ADORA1: variants seen among roughly 807,000 people sequenced by gnomAD.
ADORA1 encodes adenosine A1 receptor, also known as adenosine receptor A1.
ADORA1 carries 6 observed loss-of-function variants against 19.9 expected under a neutral mutation model. The observed-to-expected ratio is 0.30, with a 90% CI of 0.17 to 0.59. The LOEUF (loss-of-function observed/expected upper bound fraction) is 0.59. Ranked by LOEUF, ADORA1 falls within the 20% of genes least tolerant of loss-of-function variation. The pLI, the probability that ADORA1 is intolerant of heterozygous loss-of-function variation, is 0.87. For missense variants in ADORA1, 302 were observed against 439.2 expected (o/e 0.69, Z 2.79); for synonymous variants, 194 against 188.4 (o/e 1.03, Z -0.24).
At chr1:203,138,013 A>G (rs970160051) in intron 3 of ADORA1, among the ~76,000 whole-genome samples, 2 of 152,186 alleles carry the variant, frequency 1.3e-5, no homozygotes, top group Admixed American at 1.3e-4. Context: ...AATTGTATGA[A>G]TGTACCATGA....
intron 3 of ADORA1, among the ~76,000 whole-genome samples, chr1:203,147,135 G>A (rs1400765161): frequency 2.6e-5 from 4 of 152,234 alleles, no homozygotes; most frequent in Non-Finnish European, 5.9e-5. Context: ...TTTCCCACCT[G>A]TAAAGTGGCA....
chr1:203,140,879 T>C (rs562748479), intron 3 of ADORA1, among the ~76,000 whole-genome samples: 3 of 152,300 alleles, frequency 2.0e-5, no homozygotes, highest in African/African-American at 7.2e-5. Flanking sequence ...CCTCTGCCTC[T>C]CCCCAGGAAG....
intron 3 of ADORA1, among the ~76,000 whole-genome samples, chr1:203,142,872 G>A (rs956960676): frequency 5.3e-5 from 8 of 152,024 alleles, no homozygotes; most frequent in Non-Finnish European, 8.8e-5. Flanking sequence ...GGAGAAAACC[G>A]TTCAGTGTGT....
intron 3 of ADORA1, among the ~76,000 whole-genome samples, chr1:203,134,592 C>T (rs756301538): frequency 6.6e-6 from 1 of 152,094 alleles, no homozygotes; most frequent in East Asian, 1.9e-4. Flanking sequence ...GCGTGGAAGC[C>T]GGAGAATGGC....
chr1:203,136,201 A>G (rs1433476490), intron 3 of ADORA1, among the ~76,000 whole-genome samples: 2 of 152,206 alleles, frequency 1.3e-5, no homozygotes, highest in African/African-American at 2.4e-5. Flanking sequence ...CCGCAGTCCA[A>G]AGAAAAGCCT....
At position 203,165,776 on chromosome 1, in the gene ADORA1, T is replaced by C. The variant is rs761031787; in HGVS notation, c.857T>C (p.Ile286Thr). The C allele has an allele frequency of 6.2e-7, 1 of 1,613,972 alleles. No individual in the cohort carries two copies. The highest frequency in any genetic ancestry group is 2.2e-5 in the East Asian group (1 of 44,880). Residue 286 changes from isoleucine (I) to threonine (T), a missense_variant, in exon 4 of 4, where the codon ATT (isoleucine) becomes ACT (threonine). Physicochemically the swap from Ile to Thr is moderately conservative, Grantham distance 89. Coordinates refer to ENST00000337894, the MANE Select transcript of ADORA1 (RefSeq NM_000674.3). The surrounding 1 kb of genome is among the most constrained non-coding windows in gnomAD (Gnocchi z 5.9). ...LTHGNSAMNP[I>T]VYAFRIQKFR... Reference sequence around the variant, plus strand: ...CACGGCAACTCGGCCATGAACCCCATTGTCTATGCCTTCCGCATCCAGAAG... The same window carrying C: ...CACGGCAACTCGGCCATGAACCCCACTGTCTATGCCTTCCGCATCCAGAAG...
At chr1:203,162,004 G>A (rs77283058) in intron 3 of ADORA1, among the ~76,000 whole-genome samples, 1,958 of 152,334 alleles carry the variant, frequency 0.013, 41 homozygotes, top group African/African-American at 0.045. Context: ...CCTGAGAGCA[G>A]CATCTCCCTG....
Position 203,165,873 on chromosome 1 carries a change from T to C in ADORA1, c.954T>C (p.Asp318=), listed in dbSNP as rs200325525. Reference sequence around the variant, plus strand: ...AGCCTGCACCTCCCATTGACGAGGATCTCCCAGAAGAGAGGCCTGATGACT... The same window carrying C: ...AGCCTGCACCTCCCATTGACGAGGACCTCCCAGAAGAGAGGCCTGATGACT... ...RCQPAPPIDE[D]LPEERPDD The change falls in exon 4 of 4, where the codon GAT becomes GAC. Residue 318 remains aspartate, a synonymous_variant. Coordinates refer to ENST00000337894, the MANE Select transcript of ADORA1 (RefSeq NM_000674.3). This position sits in a 1 kb window ranked among gnomAD's most constrained non-coding sequence, Gnocchi z 5.9. 45 of 1,577,144 alleles carry C rather than the reference T, an allele frequency of 2.9e-5. 1 individual carries two copies. In the East Asian group the frequency reaches 7.4e-4, roughly 26 times the overall value.
intron 3 of ADORA1, chr1:203,144,908 G>A (rs1018143475): frequency 3.3e-5 from 5 of 152,196 alleles, no homozygotes; most frequent in African/African-American, 7.2e-5. Flanking sequence ...GAGAGACACC[G>A]ACTCACACTC....
chr1:203,150,850 G>A, intron 3 of ADORA1: 1 of 1,266,590 alleles, frequency 7.9e-7, no homozygotes, highest in Non-Finnish European at 1.0e-6. Flanking sequence ...AGGGCAGGGG[G>A]CTAGGTGCTG....
At chr1:203,159,778 A>T (rs923772557) in intron 3 of ADORA1, among the ~76,000 whole-genome samples, 1 of 152,174 alleles carries the variant, frequency 6.6e-6, no homozygotes, top group African/African-American at 2.4e-5. Flanking sequence ...CTCAATGAAT[A>T]CCCCTTTAAT....
intron 3 of ADORA1, among the ~76,000 whole-genome samples, chr1:203,148,384 T>C (rs1654927646): frequency 6.6e-6 from 1 of 152,174 alleles, no homozygotes; most frequent in Non-Finnish European, 1.5e-5. Flanking sequence ...ATGTGAAAGC[T>C]CAATGCTAAA....
intron 3 of ADORA1, among the ~76,000 whole-genome samples, chr1:203,157,985 T>G (rs569389481): frequency 4.1e-4 from 62 of 152,360 alleles, no homozygotes; most frequent in Non-Finnish European, 7.5e-4. Context: ...ATCATCCTGA[T>G]GAATAGAACC....
chr1:203,139,534 G>T (rs1487935570), intron 3 of ADORA1, among the ~76,000 whole-genome samples: 1 of 152,228 alleles, frequency 6.6e-6, no homozygotes, highest in Non-Finnish European at 1.5e-5. Flanking sequence ...CCTTAAGTTT[G>T]CAGTGATGAA....
Position 203,129,045 on chromosome 1 carries a change from C to T in ADORA1, c.204C>T (p.Leu68=), listed in dbSNP as rs765608467. 3.7e-6 allele frequency: 6 copies of T among 1,614,038 alleles called. No individual in the cohort carries two copies. The African/African-American group carries it at 4.0e-5, about 11-fold the overall frequency. ...VGALVIPLAI[L]INIGPQTYFH... is the part of the protein sequence containing the mutation. ...CCCTGGTCATCCCCCTCGCCATCCTCATCAACATTGGGCCACAGACCTACT... is the reference window on the plus strand; with the variant it reads ...CCCTGGTCATCCCCCTCGCCATCCTTATCAACATTGGGCCACAGACCTACT... Residue 68 remains leucine (L), a synonymous_variant, in exon 3 of 4, where the codon CTC becomes CTT. Transcript: ENST00000337894.
In ADORA1 at chr1:203,166,042, C is replaced by A; in HGVS notation, c.*142C>A. On this transcript the variant is annotated 3_prime_UTR_variant, in exon 4 of 4. Coordinates refer to ENST00000337894, the MANE Select transcript of ADORA1 (RefSeq NM_000674.3). ...ATGGGGGAGGCTCTGAAGAGATACC[C>A]ACAGAGTGTGGTCCCTCCACTAGGA... The A allele has an allele frequency of 1.8e-6, 2 of 1,133,616 alleles. No homozygotes were observed. Among genetic ancestry groups the A allele is most frequent in the East Asian group, 5.3e-5 (2 of 37,890 alleles). 70.2% of individuals were successfully genotyped at this position (1,133,616 alleles called of 1,614,324 possible). A position where few individuals can be genotyped will look rare whatever the true frequency, so the allele number is the denominator to read the frequency against.
At chr1:203,146,044 C>T (rs1223848894) in intron 3 of ADORA1, among the ~76,000 whole-genome samples, 3 of 152,120 alleles carry the variant, frequency 2.0e-5, no homozygotes, top group African/African-American at 7.2e-5. Flanking sequence ...ACCTCCCTTC[C>T]TCCTTCCAGC....
intron 3 of ADORA1, among the ~76,000 whole-genome samples, chr1:203,133,808 G>A (rs559939869): frequency 3.9e-5 from 6 of 152,336 alleles, no homozygotes; most frequent in East Asian, 3.9e-4. Flanking sequence ...GGAGGAGCTC[G>A]GCGTGCTGAG....
rs1654232417 is a variant in ADORA1 at position 203,128,660 on chromosome 1, A to T, written c.-57-125A>T. The T allele has an allele frequency of 4.1e-6, 5 of 1,211,632 alleles. No homozygotes were observed. Among genetic ancestry groups the T allele is most frequent in the Non-Finnish European group, 3.4e-6 (3 of 893,846 alleles). The allele number at this position is 1,211,632 out of a possible 1,614,324, so 75.1% of individuals were successfully genotyped here. A position where few individuals can be genotyped will look rare whatever the true frequency, so the allele number is the denominator to read the frequency against. On this transcript the variant is annotated intron_variant, in intron 2 of 3. Coordinates refer to ENST00000337894, the MANE Select transcript of ADORA1 (RefSeq NM_000674.3). The surrounding 1 kb of genome is among the most constrained non-coding windows in gnomAD (Gnocchi z 5.9). Reference sequence around the variant, plus strand: ...CAGAGAAGGGTCCGGGTGCCCCTCCAGCCTGGGTAGGAGCTGCATGTGACA... The same window carrying T: ...CAGAGAAGGGTCCGGGTGCCCCTCCTGCCTGGGTAGGAGCTGCATGTGACA...
Sources: allele counts gnomAD v4.1 joint callset (sites outside exome capture counted in the v4.1 genomes callset), GRCh38; gene constraint gnomAD v4.1.1; non-coding constraint Gnocchi (gnomAD v3.1); transcripts MANE v1.5; gene names NCBI Gene and HGNC (gene_info 2026-07-23, HGNC 2026-07-21).